GATB: variants seen among roughly 807,000 people sequenced by gnomAD.
The protein encoded by GATB is glutamyl-tRNA amidotransferase subunit B.
Under a neutral mutation model 62.3 loss-of-function variants are expected in GATB, and 39 were observed. The ratio of observed to expected loss-of-function variants is 0.63; its 90% CI spans 0.48 to 0.82. The LOEUF (loss-of-function observed/expected upper bound fraction) is 0.82, where lower values mean the gene tolerates loss of function less well. Among genes scored for constraint, GATB ranks in the 40% least tolerant of loss-of-function variants. GATB has a pLI of 0.00. For synonymous variants in GATB, 276 were observed against 258.9 expected (o/e 1.07, Z -0.63); for missense variants, 670 against 684.0 (o/e 0.98, Z 0.23).
At chr4:151,731,330 T>C (rs1739244140) in intron 2 of GATB, among the ~76,000 whole-genome samples, 1 of 152,244 alleles carries the variant, frequency 6.6e-6, no homozygotes, top group Non-Finnish European at 1.5e-5. Context: ...TTGGCCGGGC[T>C]GATCTCCAGC....
chr4:151,700,085 C>G (rs4696289), intron 9 of GATB, among the ~76,000 whole-genome samples: 1 of 152,050 alleles, frequency 6.6e-6, no homozygotes, highest in African/African-American at 2.4e-5. Context: ...AAGACTAAAA[C>G]GTAGTTTTGT....
intron 12 of GATB, among the ~76,000 whole-genome samples, chr4:151,671,618 TGGGG>T: frequency 6.6e-6 from 1 of 152,256 alleles, no homozygotes; most frequent in African/African-American, 2.4e-5. Context: ...ACACTGAGTC[TGGGG>T]AGGGATAATC....
chr4:151,686,815 C>T (rs1738259581), intron 10 of GATB: 1 of 152,396 alleles, frequency 6.6e-6, no homozygotes, highest in African/African-American at 2.4e-5. Context: ...TCTCATCTGT[C>T]CAACAGCTTC....
chr4:151,748,371 A>T (rs925198261), intron 2 of GATB, among the ~76,000 whole-genome samples: 1 of 152,230 alleles, frequency 6.6e-6, no homozygotes, highest in Non-Finnish European at 1.5e-5. Flanking sequence ...ATCTACAACT[A>T]TCTGATCTTT....
intron 10 of GATB, among the ~76,000 whole-genome samples, chr4:151,684,860 A>C (rs1051619135): frequency 6.6e-6 from 1 of 152,226 alleles, no homozygotes; most frequent in African/African-American, 2.4e-5. Flanking sequence ...CAGGGGCTCC[A>C]GGTCCACTCA....
intron 9 of GATB, 146 bp from the exon 10 acceptor site, chr4:151,688,909 T>C: frequency 1.5e-6 from 1 of 677,994 alleles, no homozygotes; most frequent in Non-Finnish European, 2.5e-6. Flanking sequence ...CACCAGAACA[T>C]TCTGATCACT....
Position 151,688,711 on chromosome 4 carries a change from GC to G in GATB, c.1249del (p.Ala417GlnfsTer6). 6 of 1,611,800 alleles carry G rather than the reference GC, an allele frequency of 3.7e-6. No homozygotes were observed. Among genetic ancestry groups the G allele is most frequent in the Non-Finnish European group, 5.1e-6 (6 of 1,179,298 alleles). On this transcript the variant is annotated frameshift_variant, in exon 10 of 13. Transcript: ENST00000263985. LOFTEE classifies it high-confidence loss of function. ...FFQNVIKETR[A>X]EPKKVTSWVL... ...CCAACTAGTCACCTTTTTTGGCTCTGCCCTAGTTTCTTTTATCACATTTTGG... is the reference window on the plus strand; with the variant it reads ...CCAACTAGTCACCTTTTTTGGCTCTGCCTAGTTTCTTTTATCACATTTTGG...
Position 151,730,511 on chromosome 4 carries a change from G to A in GATB, c.328-10973C>T, listed in dbSNP as rs534655228. On this transcript the variant is annotated intron_variant, in intron 2 of 12. Transcript: ENST00000263985. This position sits in a 1 kb window ranked among gnomAD's most constrained non-coding sequence, Gnocchi z 4.1. Reference sequence around the variant, plus strand: ...AACCACCAAAGCTAAGGACTCCCACGGAGTCCACTGCACCCTCTGCCACCT... The same window carrying A: ...AACCACCAAAGCTAAGGACTCCCACAGAGTCCACTGCACCCTCTGCCACCT... Among the ~76,000 whole-genome samples the A allele has an allele frequency of 2.6e-5, 4 of 152,284 alleles. No homozygotes were observed. Among genetic ancestry groups the A allele is most frequent in the Admixed American group, 6.5e-5 (1 of 15,300 alleles).
At chr4:151,732,818 TAAAA>T (rs946426321) in intron 2 of GATB, among the ~76,000 whole-genome samples, 4 of 143,882 alleles carry the variant, frequency 2.8e-5, no homozygotes, top group African/African-American at 1.0e-4. Flanking sequence ...CATGGAAAAA[TAAAA>T]AGATGCTAAA....
intron 9 of GATB, among the ~76,000 whole-genome samples, chr4:151,696,070 C>T (rs548473691): frequency 6.6e-5 from 10 of 151,822 alleles, no homozygotes; most frequent in African/African-American, 1.2e-4. Context: ...TGTGAGTCAC[C>T]GTGCCTGGAA....
At chr4:151,737,561 T>C (rs1305460740) in intron 2 of GATB, among the ~76,000 whole-genome samples, 2 of 152,182 alleles carry the variant, frequency 1.3e-5, no homozygotes, top group Non-Finnish European at 2.9e-5. Flanking sequence ...TCTGCGTAAG[T>C]AATGAGAAGC....
chr4:151,673,304 T>C (rs935608518), intron 11 of GATB: 18 of 163,018 alleles, frequency 1.1e-4, no homozygotes, highest in Admixed American at 3.0e-4. Flanking sequence ...CATGGGCGCC[T>C]GCTGACGGGA....
At chr4:151,692,440 G>A (rs529427422) in intron 9 of GATB, among the ~76,000 whole-genome samples, 1 of 152,208 alleles carries the variant, frequency 6.6e-6, no homozygotes, top group African/African-American at 2.4e-5. Flanking sequence ...CTGTTCAAAG[G>A]TTCTTAACAT....
intron 2 of GATB, among the ~76,000 whole-genome samples, chr4:151,755,854 A>G (rs1217376051): frequency 2.0e-5 from 3 of 152,240 alleles, no homozygotes. Context: ...GGGAGAAAAG[A>G]TAACAGGCTT....
chr4:151,673,263 G>GGC (rs1553965515), intron 11 of GATB: 1 of 174,892 alleles, frequency 5.7e-6, no homozygotes, highest in Non-Finnish European at 1.2e-5. Flanking sequence ...GGCGGGGGGG[G>GGC]GCCGCGGGAG....
At chr4:151,695,851 G>A (rs1738457992) in intron 9 of GATB, among the ~76,000 whole-genome samples, 1 of 151,954 alleles carries the variant, frequency 6.6e-6, no homozygotes, top group Non-Finnish European at 1.5e-5. Context: ...TTGAATTTCT[G>A]GGCTCGAGCA....
At chr4:151,709,803 G>A (rs1015400548) in intron 5 of GATB, among the ~76,000 whole-genome samples, 4 of 152,062 alleles carry the variant, frequency 2.6e-5, no homozygotes, top group Admixed American at 2.6e-4. Flanking sequence ...CATCATTCCT[G>A]CTGTTTACTC....
Position 151,735,734 on chromosome 4 carries a change from GTGTATATATA to G in GATB, c.328-16206_328-16197del, listed in dbSNP as rs1336056091. On this transcript the variant is annotated intron_variant, in intron 2 of 12. Transcript: ENST00000263985. Reference sequence around the variant, plus strand: ...TCAACAAGTGGATAAATAAACTGTGGTGTATATATATATATATATATATGATGGAATACTA... The same window carrying G: ...TCAACAAGTGGATAAATAAACTGTGGTATATATATATATGATGGAATACTA... 1.2e-4 allele frequency among the ~76,000 whole-genome samples: 11 copies of G among 93,624 alleles called. 2 individuals carry two copies. The South Asian group carries it at 2.3e-3, about 20-fold the overall frequency. 61.4% of individuals were successfully genotyped at this position (93,624 alleles called of 152,430 possible).
In GATB at chr4:151,722,062, C is replaced by A. The variant is rs1242093733; in HGVS notation, c.328-2524G>T. 3.2e-5 allele frequency: 20 copies of A among 626,034 alleles called. No individual in the cohort carries two copies. The South Asian group carries it at 3.9e-4, about 12-fold the overall frequency. 38.8% of individuals were successfully genotyped at this position (626,034 alleles called of 1,614,324 possible). A position where few individuals can be genotyped will look rare whatever the true frequency, so the allele number is the denominator to read the frequency against. Reference sequence around the variant, plus strand: ...CACACGTTACAGATGCACAGAGGGCCCAGTAAACAGAGAGTGTCAGTTAGA... The same window carrying A: ...CACACGTTACAGATGCACAGAGGGCACAGTAAACAGAGAGTGTCAGTTAGA... On this transcript the variant is annotated intron_variant, in intron 2 of 12. Coordinates refer to ENST00000263985, the MANE Select transcript of GATB (RefSeq NM_004564.3).
Sources: gnomAD v4.1 joint callset for allele counts (sites outside exome capture counted in the v4.1 genomes callset) on GRCh38, gnomAD v4.1.1 for gene constraint, Gnocchi (gnomAD v3.1) non-coding constraint, MANE v1.5 for transcripts, NCBI Gene and HGNC (gene_info 2026-07-23, HGNC 2026-07-21) for gene names.